Variants in RBFOX1 observed in about 807,000 individuals in gnomAD.
The protein encoded by RBFOX1 is RNA binding protein fox-1 homolog 1.
RBFOX1 carries 8 observed loss-of-function variants against 57.7 expected under a neutral mutation model. That is an observed-to-expected ratio of 0.14 (90% CI 0.08 to 0.25). RBFOX1 has a LOEUF of 0.25. Ranked by LOEUF, RBFOX1 falls within the 10% of genes least tolerant of loss-of-function variation. RBFOX1 has a pLI of 1.00. For synonymous variants in RBFOX1, 326 were observed against 222.4 expected (o/e 1.47, Z -4.15); for missense variants, 611 against 548.5 (o/e 1.11, Z -1.14).
intron 5 of RBFOX1, among the ~76,000 whole-genome samples, chr16:7,556,409 T>G (rs1441584991): frequency 6.6e-6 from 1 of 152,210 alleles, no homozygotes; most frequent in African/African-American, 2.4e-5. Context: ...CTCAGATCCC[T>G]TTCTTAGATG....
chr16:7,175,238 C>T (rs1408480684), intron 4 of RBFOX1, among the ~76,000 whole-genome samples: 1 of 152,032 alleles, frequency 6.6e-6, no homozygotes, highest in African/African-American at 2.4e-5. Flanking sequence ...TGTGTTGTTC[C>T]TCTCCCTGTG....
intron 5 of RBFOX1, among the ~76,000 whole-genome samples, chr16:7,575,225 C>A (rs754010448): frequency 6.6e-6 from 1 of 152,006 alleles, no homozygotes; most frequent in African/African-American, 2.4e-5. Context: ...ACCTCTGCCT[C>A]CTGGATTCAA....
downstream of RBFOX1, among the ~76,000 whole-genome samples, chr16:5,600,791 G>A (rs1421488786): frequency 6.6e-6 from 1 of 152,126 alleles, no homozygotes; most frequent in Non-Finnish European, 1.5e-5. Context: ...GGAAAGGGAT[G>A]ATGAAAAATG....
chr16:7,081,856 G>C (rs2059252575), intron 4 of RBFOX1, among the ~76,000 whole-genome samples: 1 of 152,162 alleles, frequency 6.6e-6, no homozygotes, highest in African/African-American at 2.4e-5. Flanking sequence ...TTCCTGTTGA[G>C]GTCAGTCTTT....
intron 1 of RBFOX1, among the ~76,000 whole-genome samples, chr16:6,122,658 C>T (rs538496960): frequency 6.6e-6 from 1 of 152,224 alleles, no homozygotes; most frequent in South Asian, 2.1e-4. Flanking sequence ...GCTGAGTCAG[C>T]ACCCTGGGGC....
intron 2 of RBFOX1, among the ~76,000 whole-genome samples, chr16:6,538,290 T>C (rs985443413): frequency 9.2e-5 from 14 of 152,198 alleles, no homozygotes; most frequent in Admixed American, 8.5e-4. Context: ...AAGAGTTTTA[T>C]ACCAGCCTGG....
At chr16:7,534,848 C>A (rs926154775) in intron 5 of RBFOX1, among the ~76,000 whole-genome samples, 4 of 152,076 alleles carry the variant, frequency 2.6e-5, no homozygotes, top group African/African-American at 7.2e-5. Flanking sequence ...ACTTGCCCCG[C>A]TATGTGTGTG....
intron 4 of RBFOX1, among the ~76,000 whole-genome samples, chr16:7,381,245 A>G (rs1214443591): frequency 6.6e-6 from 1 of 152,166 alleles, no homozygotes; most frequent in Non-Finnish European, 1.5e-5. Context: ...CCCAGGTGCA[A>G]GTGGAAATTT....
intron 3 of RBFOX1, among the ~76,000 whole-genome samples, chr16:6,823,914 A>G (rs2154278859): frequency 6.6e-6 from 1 of 152,272 alleles, no homozygotes; most frequent in East Asian, 1.9e-4. Flanking sequence ...CTGGAGTTAC[A>G]CGTAAGAAAT....
chr16:6,670,608 C>T (rs200812585), intron 3 of RBFOX1, among the ~76,000 whole-genome samples: 4 of 152,150 alleles, frequency 2.6e-5, no homozygotes, highest in East Asian at 1.9e-4. Flanking sequence ...CAAATTAAAA[C>T]CATATAATAT....
At chr16:6,249,939 C>A (rs995493410) in intron 1 of RBFOX1, among the ~76,000 whole-genome samples, 1 of 152,012 alleles carries the variant, frequency 6.6e-6, no homozygotes, top group Non-Finnish European at 1.5e-5. Flanking sequence ...CCCTACCCCA[C>A]AATAGGCCCA....
At chr16:6,091,407 A>G (rs542672455) in intron 1 of RBFOX1, among the ~76,000 whole-genome samples, 4 of 152,192 alleles carry the variant, frequency 2.6e-5, no homozygotes, top group African/African-American at 7.2e-5. Flanking sequence ...TTCTCTTTAT[A>G]GAGGTCACCA....
chr16:6,944,459 C>A (rs951803279), intron 3 of RBFOX1, among the ~76,000 whole-genome samples: 1 of 151,982 alleles, frequency 6.6e-6, no homozygotes, highest in Non-Finnish European at 1.5e-5. Flanking sequence ...TTGGCCACTT[C>A]CCTGCCTTAC....
intron 10 of RBFOX1, among the ~76,000 whole-genome samples, chr16:7,618,872 T>C (rs1307526200): frequency 1.3e-5 from 2 of 152,210 alleles, no homozygotes; most frequent in African/African-American, 4.8e-5. Context: ...GGAATTGTTA[T>C]AACACATTAC....
At chr16:6,560,091 A>G (rs2097159570) in intron 2 of RBFOX1, among the ~76,000 whole-genome samples, 2 of 151,890 alleles carry the variant, frequency 1.3e-5, no homozygotes, top group African/African-American at 2.4e-5. Context: ...AAGGATATAT[A>G]ACCATCTGTA....
chr16:6,709,932 G>T (rs2063434271), intron 3 of RBFOX1, among the ~76,000 whole-genome samples: 1 of 152,024 alleles, frequency 6.6e-6, no homozygotes, highest in Non-Finnish European at 1.5e-5. Context: ...CCCTTTTGAG[G>T]TGAATCACTT....
At chr16:7,648,023 T>A (rs1441505216) in intron 11 of RBFOX1, among the ~76,000 whole-genome samples, 2 of 152,174 alleles carry the variant, frequency 1.3e-5, no homozygotes, top group Non-Finnish European at 2.9e-5. Context: ...TGTTCCAGAA[T>A]CCTACAGACC....
intron 3 of RBFOX1, among the ~76,000 whole-genome samples, chr16:5,697,013 A>G (rs1045475586): frequency 1.3e-5 from 2 of 152,122 alleles, no homozygotes; most frequent in Non-Finnish European, 2.9e-5. Flanking sequence ...CCTGGATTGA[A>G]GCAATTCTCA....
At chr16:5,749,117 C>T (rs1290218796) in intron 3 of RBFOX1, among the ~76,000 whole-genome samples, 1 of 152,120 alleles carries the variant, frequency 6.6e-6, no homozygotes, top group Non-Finnish European at 1.5e-5. Flanking sequence ...TTTTATTTCT[C>T]TTTCACTTAT....
Sources: allele counts gnomAD v4.1 joint callset (sites outside exome capture counted in the v4.1 genomes callset), GRCh38; gene constraint gnomAD v4.1.1; transcripts MANE v1.5; gene names NCBI Gene and HGNC (gene_info 2026-07-23, HGNC 2026-07-21).